CYREN: variants seen among roughly 807,000 people sequenced by gnomAD.
CYREN encodes cell cycle regulator of non-homologous end joining.
A neutral mutation model predicts 9.7 loss-of-function variants in CYREN; 7 were observed. The observed-to-expected ratio is 0.72, with a 90% CI of 0.41 to 1.36. The LOEUF is 1.36. Among genes scored for constraint, CYREN ranks in the 40% most tolerant of loss-of-function variants. CYREN has a pLI of 0.01. For synonymous variants in CYREN, 76 were observed against 77.9 expected, an observed-to-expected ratio of 0.98 and a Z score of 0.13; for missense variants, 215 against 198.1, an observed-to-expected ratio of 1.09 and a Z score of -0.51.
At chr7:135,128,669 A>T in intron 2 of CYREN, 2 of 1,103,666 alleles carry the variant, frequency 1.8e-6, no homozygotes, top group Non-Finnish European at 2.8e-6. Flanking sequence ...AAGAGACCCT[A>T]GTATACCTGA....
At position 135,166,470 on chromosome 7, in the gene CYREN, T is replaced by A. The variant is rs1485796641; in HGVS notation, c.*141A>T. On this transcript the variant is annotated 3_prime_UTR_variant, in exon 4 of 4. Coordinates refer to ENST00000393114, the MANE Select transcript of CYREN (RefSeq NM_024033.4). ...GTGTCCAGGGGCTTCTGGCCTGAGGTGAATCTGCCAGGCCCAAGAAGGCAC... is the reference window on the plus strand; with the variant it reads ...GTGTCCAGGGGCTTCTGGCCTGAGGAGAATCTGCCAGGCCCAAGAAGGCAC... 2.9e-6 allele frequency: 4 copies of A among 1,369,014 alleles called. No individual in the cohort carries two copies. The East Asian group carries it at 9.5e-5, about 33-fold the overall frequency. 84.8% of individuals were successfully genotyped at this position (1,369,014 alleles called of 1,614,324 possible). A position where few individuals can be genotyped will look rare whatever the true frequency, so the allele number is the denominator to read the frequency against.
At chr7:135,128,685 GTC>G in intron 2 of CYREN, 1 of 1,290,352 alleles carries the variant, frequency 7.7e-7, no homozygotes, top group African/African-American at 1.5e-5. Context: ...CCTGAATATT[GTC>G]TCTCCTTTTG....
intron 2 of CYREN, among the ~76,000 whole-genome samples, chr7:135,125,675 A>G (rs1355643550): frequency 2.0e-5 from 3 of 152,240 alleles, no homozygotes; most frequent in African/African-American, 7.2e-5. Flanking sequence ...ATCCAGCAGC[A>G]TATCAAAAAA....
chr7:135,141,980 T>C (rs1034709103), intron 2 of CYREN, among the ~76,000 whole-genome samples: 3 of 152,168 alleles, frequency 2.0e-5, no homozygotes, highest in African/African-American at 7.2e-5. Flanking sequence ...CGGTTGATCT[T>C]AGAGTATGTG....
chr7:135,154,061 G>A (rs1829727923), intron 2 of CYREN, among the ~76,000 whole-genome samples: 1 of 151,990 alleles, frequency 6.6e-6, no homozygotes. Flanking sequence ...TCAATCTTGG[G>A]GGATTTTGTG....
At chr7:135,138,155 T>TAGAG (rs1829389855) in intron 2 of CYREN, among the ~76,000 whole-genome samples, 1 of 152,014 alleles carries the variant, frequency 6.6e-6, no homozygotes, top group African/African-American at 2.4e-5. Flanking sequence ...TTGTCATCTC[T>TAGAG]AGAGCTGCTC....
At chr7:135,135,341 T>TC in intron 2 of CYREN, 1 of 1,246,070 alleles carries the variant, frequency 8.0e-7, no homozygotes, top group Non-Finnish European at 1.1e-6. Context: ...AGGAAAGCCC[T>TC]CCCCTTCCCC....
chr7:135,162,285 C>G (rs997672455), downstream of CYREN, among the ~76,000 whole-genome samples: 2 of 152,196 alleles, frequency 1.3e-5, no homozygotes, highest in African/African-American at 4.8e-5. Context: ...GGCCACGACT[C>G]ATTTTGCTGC....
At chr7:135,158,864 AG>A (rs913725294) in intron 2 of CYREN, among the ~76,000 whole-genome samples, 6 of 152,186 alleles carry the variant, frequency 3.9e-5, no homozygotes, top group African/African-American at 1.4e-4. Flanking sequence ...CCCAGTATCT[AG>A]GCTCTCAAAA....
In CYREN at chr7:135,152,738, T is replaced by C. The variant is rs1829694834; in HGVS notation, n.356+16011A>G. 4 of 152,350 alleles carry C rather than the reference T, an allele frequency of 2.6e-5. No individual in the cohort carries two copies. In the South Asian group the frequency reaches 8.3e-4, roughly 32 times the overall value. 9.4% of individuals were successfully genotyped at this position (152,350 alleles called of 1,614,324 possible). On this transcript the variant is annotated intron_variant and non_coding_transcript_variant, in intron 2 of 2. Coordinates refer to the CYREN transcript ENST00000459937. Reference sequence around the variant, plus strand: ...GGTCCCCTTTGGCTTTCTGAAATCATTAATTAAAAGAAAGGCCCTAGGAAC... The same window carrying C: ...GGTCCCCTTTGGCTTTCTGAAATCACTAATTAAAAGAAAGGCCCTAGGAAC...
At chr7:135,096,724 AGAAAGAAAG>A (rs1244294894) in intron 2 of CYREN, among the ~76,000 whole-genome samples, 3 of 141,290 alleles carry the variant, frequency 2.1e-5, no homozygotes, top group Non-Finnish European at 4.6e-5. Context: ...AAGAAAGAGA[AGAAAGAAAG>A]AGAAAGAATG....
chr7:135,160,187 G>A (rs1286381416), intron 2 of CYREN, among the ~76,000 whole-genome samples: 2 of 152,146 alleles, frequency 1.3e-5, no homozygotes, highest in Non-Finnish European at 2.9e-5. Flanking sequence ...TTATTTCTAC[G>A]ACCTGAAGTA....
chr7:135,096,605 A>ATAGATAG (rs1822843497), intron 2 of CYREN, among the ~76,000 whole-genome samples: 1 of 130,636 alleles, frequency 7.7e-6, no homozygotes, highest in Non-Finnish European at 1.7e-5. Context: ...AGATAGATAG[A>ATAGATAG]TAGATAGATA....
intron 2 of CYREN, among the ~76,000 whole-genome samples, chr7:135,106,628 A>C (rs1824762422): frequency 6.6e-6 from 1 of 152,146 alleles, no homozygotes; most frequent in Admixed American, 6.5e-5. Context: ...TATTTTGTTG[A>C]GGATTTTTGC....
intron 2 of CYREN, among the ~76,000 whole-genome samples, chr7:135,156,513 T>C (rs1000510741): frequency 6.6e-6 from 1 of 152,026 alleles, no homozygotes; most frequent in South Asian, 2.1e-4. Flanking sequence ...TTTGAGCATA[T>C]GGTGTATTTC....
upstream of CYREN, among the ~76,000 whole-genome samples, chr7:135,171,327 A>T (rs292509): frequency 0.18 from 453 of 2,472 alleles, 2 homozygotes; most frequent in South Asian, 0.37. Flanking sequence ...TTTTTTTTTT[A>T]AAAAAAAAAG....
intron 2 of CYREN, among the ~76,000 whole-genome samples, chr7:135,124,433 A>G (rs956629933): frequency 2.6e-5 from 4 of 152,230 alleles, no homozygotes; most frequent in Non-Finnish European, 5.9e-5. Flanking sequence ...ACAGACTCCC[A>G]CACAATAATA....
downstream of CYREN, chr7:135,092,355 T>C (rs1379149711): frequency 6.6e-6 from 1 of 152,248 alleles, no homozygotes; most frequent in African/African-American, 2.4e-5. Flanking sequence ...AAAATTTTGT[T>C]GTCAACATTT....
downstream of CYREN, chr7:135,164,943 A>T (rs977821233): frequency 6.2e-7 from 1 of 1,613,106 alleles, no homozygotes; most frequent in Non-Finnish European, 8.5e-7. Flanking sequence ...GCTTATAGCC[A>T]TGGCTGTGTT....
Sources: gnomAD v4.1 joint callset for allele counts (sites outside exome capture counted in the v4.1 genomes callset) on GRCh38, gnomAD v4.1.1 for gene constraint, MANE v1.5 for transcripts, NCBI Gene and HGNC (gene_info 2026-07-23, HGNC 2026-07-21) for gene names.